Variants in TMEM116 observed in about 807,000 individuals in gnomAD.
The protein encoded by TMEM116 is transmembrane protein 116.
A neutral mutation model predicts 44.3 loss-of-function variants in TMEM116; 38 were observed. That is an observed-to-expected ratio of 0.86 (90% CI 0.66 to 1.12). The LOEUF (loss-of-function observed/expected upper bound fraction) is 1.12, where lower values mean the gene tolerates loss of function less well. TMEM116 is among the 50% of genes most tolerant of loss of function. TMEM116 has a pLI of 0.00. For missense variants in TMEM116, 354 were observed against 401.7 expected (o/e 0.88, Z 1.01); for synonymous variants, 132 against 144.8 (o/e 0.91, Z 0.64).
chr12:112,001,920 A>G (rs1658843209), intron 3 of TMEM116, among the ~76,000 whole-genome samples: 1 of 152,292 alleles, frequency 6.6e-6, no homozygotes, highest in Non-Finnish European at 1.5e-5. Flanking sequence ...AGGCTCTGGA[A>G]CAAGACAAGG....
At chr12:111,996,132 T>C (rs538091742) in intron 3 of TMEM116, among the ~76,000 whole-genome samples, 27 of 150,142 alleles carry the variant, frequency 1.8e-4, no homozygotes, top group Non-Finnish European at 2.2e-4. Context: ...TTACATTCTA[T>C]AGGAGAATGT....
chr12:111,987,595 C>T (rs951054017), intron 4 of TMEM116, among the ~76,000 whole-genome samples: 1 of 151,618 alleles, frequency 6.6e-6, no homozygotes, highest in Non-Finnish European at 1.5e-5. Context: ...GAAAAGCTGC[C>T]CAACATTACT....
intron 10 of TMEM116, among the ~76,000 whole-genome samples, chr12:111,932,367 T>C (rs2071723774): frequency 1.3e-5 from 2 of 152,336 alleles, no homozygotes; most frequent in South Asian, 2.1e-4. Flanking sequence ...ACCAGAGATA[T>C]ATACGCTCTG....
intron 4 of TMEM116, among the ~76,000 whole-genome samples, chr12:111,950,315 C>A (rs567753542): frequency 1.3e-5 from 2 of 152,076 alleles, no homozygotes; most frequent in South Asian, 4.2e-4. Context: ...ACATCTTTCC[C>A]CAGAAACAAT....
At position 111,931,715 on chromosome 12, in the gene TMEM116, G is replaced by C; in HGVS notation, c.920C>G (p.Pro307Arg). 6.2e-7 allele frequency: 1 copy of C among 1,613,856 alleles called. No homozygotes were observed. The highest frequency in any genetic ancestry group is 8.5e-7 in the Non-Finnish European group (1 of 1,179,958). Residue 307 changes from proline to arginine, a missense_variant, in exon 11 of 11, where the codon CCA becomes CGA. Pro to Arg is a moderately radical substitution (Grantham distance 103). Transcript: ENST00000552374. ...EARRDADTQT[P>R]LLCSQKRFYS... ...GAATCTCTTCTGTGAGCATAATAAT[G>C]GTGTCTGGGTATCTGCATCACGCCG... is the stretch of plus-strand genomic sequence containing the variant.
At chr12:112,005,184 G>A (rs1265523718) in intron 2 of TMEM116, 73 bp downstream of exon 2, 3 of 1,033,200 alleles carry the variant, frequency 2.9e-6, no homozygotes, top group Admixed American at 3.6e-5. Context: ...CCCCAAGGGG[G>A]AAATGTGGAA....
chr12:111,997,571 AC>A (rs1565960885), intron 3 of TMEM116, among the ~76,000 whole-genome samples: 2 of 151,982 alleles, frequency 1.3e-5, no homozygotes, highest in Non-Finnish European at 2.9e-5. Context: ...AAAAACAAAA[AC>A]AAACAAACAA....
intron 4 of TMEM116, among the ~76,000 whole-genome samples, chr12:111,969,390 GT>G (rs113728172): frequency 0.19 from 28,784 of 149,544 alleles, 3,031 homozygotes; most frequent in Middle Eastern, 0.27. Context: ...TAATGGATGA[GT>G]TTTTTTGTTT....
chr12:112,000,589 C>T (rs1416616797), intron 3 of TMEM116: 2 of 299,402 alleles, frequency 6.7e-6, no homozygotes, highest in African/African-American at 4.5e-5. Flanking sequence ...TGCAGTGGCC[C>T]GATCTTGGCT....
chr12:111,932,847 T>C (rs1205543810), intron 9 of TMEM116, 188 bp from the exon 10 acceptor site: 1 of 590,244 alleles, frequency 1.7e-6, no homozygotes, highest in African/African-American at 1.9e-5. Context: ...TGATGAAACT[T>C]TGTAGATTAT....
intron 1 of TMEM116, 64 bp from the exon 2 acceptor site, chr12:112,005,367 CA>C: frequency 9.1e-7 from 1 of 1,101,286 alleles, no homozygotes; most frequent in Non-Finnish European, 1.2e-6. Flanking sequence ...AACCTAAGTT[CA>C]TTATTAACTA....
Position 111,953,799 on chromosome 12 carries a change from G to A in TMEM116, c.211-10430C>T, listed in dbSNP as rs75411509. Among the ~76,000 whole-genome samples the A allele has an allele frequency of 7.5e-3, 1,142 of 152,062 alleles. 15 individuals are homozygous for A. The highest frequency in any genetic ancestry group is 0.026 in the African/African-American group (1,096 of 41,456). On this transcript the variant is annotated intron_variant, in intron 4 of 10. Coordinates refer to ENST00000552374, the MANE Select transcript of TMEM116 (RefSeq NM_001193531.2). ...CTGAATAAATTCTATTTCTTTTAGA[G>A]AGTCTCTCTCTCTGTTATTTAGGCT...
intron 4 of TMEM116, among the ~76,000 whole-genome samples, chr12:111,978,554 G>T (rs1487206409): frequency 6.6e-6 from 1 of 152,094 alleles, no homozygotes; most frequent in East Asian, 1.9e-4. Flanking sequence ...TAACCCCAAA[G>T]GTGAGGCATT....
At chr12:111,987,757 A>C (rs1320235133) in intron 4 of TMEM116, among the ~76,000 whole-genome samples, 1 of 152,200 alleles carries the variant, frequency 6.6e-6, no homozygotes, top group African/African-American at 2.4e-5. Context: ...TGTTATGGAA[A>C]ACATGGTGTT....
At chr12:111,969,312 C>A (rs1422448750) in intron 4 of TMEM116, among the ~76,000 whole-genome samples, 19 of 137,214 alleles carry the variant, frequency 1.4e-4, no homozygotes, top group African/African-American at 5.3e-4. Context: ...AAGAGCGACG[C>A]TCCATCTCAA....
chr12:111,939,517 G>A (rs1394617225), intron 5 of TMEM116, among the ~76,000 whole-genome samples: 1 of 151,302 alleles, frequency 6.6e-6, no homozygotes, highest in Non-Finnish European at 1.5e-5. Context: ...GAGAACTCAG[G>A]CCTAACACAG....
intron 4 of TMEM116, among the ~76,000 whole-genome samples, chr12:111,947,389 T>C (rs1274193705): frequency 6.6e-6 from 1 of 152,110 alleles, no homozygotes; most frequent in Non-Finnish European, 1.5e-5. Flanking sequence ...TTCTCAAAAG[T>C]TTATAAAAGA....
At position 111,932,491 on chromosome 12, in the gene TMEM116, C is replaced by T. The variant is rs11066094; in HGVS notation, c.807+95G>A. Reference sequence around the variant, plus strand: ...TTCTCTTTTGCAATGTAGAAGTACCCGGAGGGAAAAAATCATCCTTACCGA... The same window carrying T: ...TTCTCTTTTGCAATGTAGAAGTACCTGGAGGGAAAAAATCATCCTTACCGA... On this transcript the variant is annotated intron_variant, in intron 10 of 10. Coordinates refer to ENST00000552374, the MANE Select transcript of TMEM116 (RefSeq NM_001193531.2). 0.048 allele frequency: 49,720 copies of T among 1,045,158 alleles called. 10,024 individuals are homozygous for T. The East Asian group carries it at 0.64, about 13-fold the overall frequency. 64.7% of individuals were successfully genotyped at this position (1,045,158 alleles called of 1,614,324 possible). A position where few individuals can be genotyped will look rare whatever the true frequency, so the allele number is the denominator to read the frequency against.
chr12:111,943,881 T>C (rs2073053007), intron 4 of TMEM116, among the ~76,000 whole-genome samples: 1 of 152,132 alleles, frequency 6.6e-6, no homozygotes, highest in South Asian at 2.1e-4. Context: ...ATGCCCTGCT[T>C]CCTTATTTTA....
Sources: gnomAD v4.1 joint callset for allele counts (sites outside exome capture counted in the v4.1 genomes callset) on GRCh38, gnomAD v4.1.1 for gene constraint, MANE v1.5 for transcripts, NCBI Gene and HGNC (gene_info 2026-07-23, HGNC 2026-07-21) for gene names.